The following AGMO variants were observed in gnomAD, a reference collection of about 807,000 sequenced individuals.
AGMO encodes the protein alkylglycerol monooxygenase.
AGMO carries 75 observed loss-of-function variants against 60.2 expected under a neutral mutation model. The ratio of observed to expected loss-of-function variants is 1.25; its 90% CI spans 1.03 to 1.51. AGMO has a LOEUF of 1.51. AGMO is among the 40% of genes most tolerant of loss of function. The pLI, the probability that AGMO is intolerant of heterozygous loss-of-function variation, is 0.00. For synonymous variants in AGMO, 261 were observed against 177.1 expected (o/e 1.47, Z -3.76); for missense variants, 763 against 525.5 (o/e 1.45, Z -4.42).
At chr7:15,140,741 A>C in the AGMO span, among the ~76,000 whole-genome samples, 1 of 151,782 alleles carries the variant, frequency 6.6e-6, no homozygotes, top group South Asian at 2.1e-4. Context: ...GGTTCTTTCA[A>C]ATTTTTGGAT....
chr7:15,209,248 C>T (rs989810468), intron 12 of AGMO, among the ~76,000 whole-genome samples: 2 of 152,166 alleles, frequency 1.3e-5, no homozygotes, highest in South Asian at 4.1e-4. Flanking sequence ...ACTTGATGTA[C>T]AAAAACTTCA....
chr7:15,219,629 T>C (rs1255584254), intron 12 of AGMO, among the ~76,000 whole-genome samples: 1 of 152,074 alleles, frequency 6.6e-6, no homozygotes, highest in Non-Finnish European at 1.5e-5. Context: ...AGCTATGTGA[T>C]TCGATTTACT....
chr7:15,525,171 A>G (rs1758411628), intron 3 of AGMO, among the ~76,000 whole-genome samples: 1 of 152,142 alleles, frequency 6.6e-6, no homozygotes, highest in African/African-American at 2.4e-5. Flanking sequence ...CAGGCTGACA[A>G]AACAGACTCT....
chr7:15,360,763 G>A (rs561569633), intron 12 of AGMO, among the ~76,000 whole-genome samples: 1 of 152,090 alleles, frequency 6.6e-6, no homozygotes, highest in East Asian at 1.9e-4. Flanking sequence ...TGTTGTTTAA[G>A]GGTCAATTGG....
rs150962030 is a variant in AGMO, at chr7:15,394,136, G to A, written c.653C>T (p.Pro218Leu). 338 of 1,612,192 alleles carry A rather than the reference G, an allele frequency of 2.1e-4. No homozygotes were observed. The African/African-American group carries it at 3.7e-3, about 18-fold the overall frequency. Reference protein sequence around the residue: ...LGPLELILNTPSHHRVHHGRN... With the variant: ...LGPLELILNTLSHHRVHHGRN... ...ACCATGATGAACCCTATGATGGCTA[G>A]GAGTATTAAGAATCAGTTCCAAAGG... Residue 218 changes from proline (P) to leucine (L), a missense_variant, in exon 6 of 13, where the codon CCT (proline) becomes CTT (leucine). By Grantham distance (98) the Pro-to-Leu change is moderately conservative. Coordinates refer to ENST00000342526, the MANE Select transcript of AGMO (RefSeq NM_001004320.2).
At chr7:15,158,796 A>G in the AGMO span, among the ~76,000 whole-genome samples, 1 of 152,192 alleles carries the variant, frequency 6.6e-6, no homozygotes. Flanking sequence ...GATAAATTGT[A>G]TAATGTATGT....
intron 12 of AGMO, among the ~76,000 whole-genome samples, chr7:15,359,238 G>A (rs867157155): frequency 4.1e-5 from 6 of 145,904 alleles, no homozygotes; most frequent in East Asian, 4.1e-4. Context: ...GCAGTGAGCC[G>A]AGATCACGCC....
intron 12 of AGMO, among the ~76,000 whole-genome samples, chr7:15,203,170 T>C (rs879926183): frequency 3.3e-5 from 5 of 152,042 alleles, no homozygotes; most frequent in Non-Finnish European, 7.4e-5. Context: ...GTTTTCGGAG[T>C]ATTCTCATAA....
chr7:15,434,918 T>C (rs1781357167), intron 3 of AGMO, among the ~76,000 whole-genome samples: 1 of 151,132 alleles, frequency 6.6e-6, no homozygotes, highest in Admixed American at 6.6e-5. Flanking sequence ...TTCCTTTTAG[T>C]TTTGCTTTTT....
At chr7:15,369,892 T>A (rs139039313) in intron 10 of AGMO, among the ~76,000 whole-genome samples, 154 of 152,314 alleles carry the variant, frequency 1.0e-3, no homozygotes, top group African/African-American at 3.4e-3. Flanking sequence ...GAAAACTGAA[T>A]CTATTTCATT....
chr7:15,496,596 T>C (rs1208274200), intron 3 of AGMO, among the ~76,000 whole-genome samples: 3 of 151,878 alleles, frequency 2.0e-5, no homozygotes, highest in African/African-American at 7.3e-5. Flanking sequence ...GCCACATGAA[T>C]GATGGGCAAA....
the AGMO span, among the ~76,000 whole-genome samples, chr7:15,146,353 A>G: frequency 1.3e-5 from 2 of 152,190 alleles, no homozygotes; most frequent in African/African-American, 4.8e-5. Flanking sequence ...GTATGGCTCA[A>G]ATATTGTAAT....
chr7:15,132,657 A>T, the AGMO span, among the ~76,000 whole-genome samples: 1 of 152,170 alleles, frequency 6.6e-6, no homozygotes, highest in Non-Finnish European at 1.5e-5. Flanking sequence ...ATCAATTTAA[A>T]AATCTTGGGA....
At chr7:15,528,613 G>A (rs918814053) in intron 3 of AGMO, among the ~76,000 whole-genome samples, 4 of 151,968 alleles carry the variant, frequency 2.6e-5, no homozygotes, top group Non-Finnish European at 5.9e-5. Flanking sequence ...AGTACTAGGA[G>A]GAACAATCAG....
chr7:15,256,381 C>A (rs1412350554), intron 12 of AGMO, among the ~76,000 whole-genome samples: 2 of 152,072 alleles, frequency 1.3e-5, no homozygotes, highest in Non-Finnish European at 2.9e-5. Flanking sequence ...CTCGCTCTGT[C>A]GCCCAGGCTG....
At chr7:15,136,860 T>C in the AGMO span, among the ~76,000 whole-genome samples, 10 of 151,826 alleles carry the variant, frequency 6.6e-5, no homozygotes, top group East Asian at 1.6e-3. Context: ...TGTGGGATGG[T>C]TTACCTTCTA....
At chr7:15,529,458 A>G (rs1784217054) in intron 3 of AGMO, among the ~76,000 whole-genome samples, 2 of 145,132 alleles carry the variant, frequency 1.4e-5, no homozygotes, top group South Asian at 2.2e-4. Flanking sequence ...AAAAACAACA[A>G]TTAAGCTCAG....
At chr7:15,322,909 TATAC>T (rs1781219578) in intron 12 of AGMO, among the ~76,000 whole-genome samples, 1 of 146,872 alleles carries the variant, frequency 6.8e-6, no homozygotes, top group Admixed American at 7.0e-5. Flanking sequence ...AAAATATATA[TATAC>T]ACATATATGT....
intron 12 of AGMO, among the ~76,000 whole-genome samples, chr7:15,277,012 T>C (rs1245555411): frequency 6.6e-6 from 1 of 152,020 alleles, no homozygotes; most frequent in Non-Finnish European, 1.5e-5. Context: ...AATCTAAAGT[T>C]TAAATTTTTT....
Sources: allele counts gnomAD v4.1 joint callset (sites outside exome capture counted in the v4.1 genomes callset), GRCh38; gene constraint gnomAD v4.1.1; transcripts MANE v1.5; gene names NCBI Gene and HGNC (gene_info 2026-07-23, HGNC 2026-07-21).